Variants in NMNAT2 observed in about 807,000 individuals in gnomAD.
NMNAT2 encodes the protein nicotinamide nucleotide adenylyltransferase 2, also known as nicotinamide/nicotinic acid mononucleotide adenylyltransferase 2.
In NMNAT2, 11 loss-of-function variants were observed where a neutral mutation model predicts 41.6. The ratio of observed to expected loss-of-function variants is 0.26; its 90% CI spans 0.17 to 0.44. NMNAT2 has a LOEUF of 0.44. NMNAT2 is among the 20% of genes least tolerant of loss of function. The pLI, the probability that NMNAT2 is intolerant of heterozygous loss-of-function variation, is 1.00. For synonymous variants in NMNAT2, 148 were observed against 151.2 expected, an observed-to-expected ratio of 0.98 and a Z score of 0.16; for missense variants, 288 against 407.7, an observed-to-expected ratio of 0.71 and a Z score of 2.53.
At chr1:183,370,693 A>G (rs1663517643) in intron 1 of NMNAT2, among the ~76,000 whole-genome samples, 1 of 152,158 alleles carries the variant, frequency 6.6e-6, no homozygotes, top group Non-Finnish European at 1.5e-5. Context: ...ATTCTGGGGG[A>G]ATGAAATAAA....
intron 1 of NMNAT2, among the ~76,000 whole-genome samples, chr1:183,340,815 C>T (rs1662782290): frequency 6.6e-6 from 1 of 152,204 alleles, no homozygotes; most frequent in Non-Finnish European, 1.5e-5. Context: ...CCCAGGTGCC[C>T]TGATGGCAGG....
At chr1:183,330,919 A>G (rs1460119537) in intron 1 of NMNAT2, among the ~76,000 whole-genome samples, 4 of 151,960 alleles carry the variant, frequency 2.6e-5, no homozygotes, top group Admixed American at 2.6e-4. Flanking sequence ...AAATGATCCT[A>G]ATGTTTCCTT....
In NMNAT2 at chr1:183,326,182, C is replaced by G. The variant is rs930715335; in HGVS notation, c.86-32389G>C. ...CCTGAAGTCAGGAGTTCAAGACCAG[C>G]CTGGCCAACATGGAGAAACCCTGCC... On this transcript the variant is annotated intron_variant, in intron 1 of 10. Transcript: ENST00000287713. Among the ~76,000 whole-genome samples the G allele has an allele frequency of 3.3e-5, 5 of 151,964 alleles. No homozygotes were observed. The East Asian group carries it at 7.7e-4, about 23-fold the overall frequency.
chr1:183,418,280 TC>T lies in NMNAT2; in HGVS notation c.-14del, dbSNP rs780870796. The T allele has an allele frequency of 6.2e-7, 1 of 1,612,668 alleles. No individual in the cohort carries two copies. The highest frequency in any genetic ancestry group is 1.1e-5 in the South Asian group (1 of 91,020). ...TGGTCTCGGTCATGGTGCAGATGGGTCCTTCGCGGTGGTCTAGGGGTTGCCT... is the reference window on the plus strand; with the variant it reads ...TGGTCTCGGTCATGGTGCAGATGGGTCTTCGCGGTGGTCTAGGGGTTGCCT... On this transcript the variant is annotated 5_prime_UTR_variant, in exon 1 of 11. Coordinates refer to ENST00000287713, the MANE Select transcript of NMNAT2 (RefSeq NM_015039.4).
At chr1:183,322,218 G>A (rs1484663924) in intron 1 of NMNAT2, among the ~76,000 whole-genome samples, 2 of 152,146 alleles carry the variant, frequency 1.3e-5, no homozygotes, top group African/African-American at 2.4e-5. Context: ...TTTCCTGAAC[G>A]TGACACCCCT....
intron 1 of NMNAT2, among the ~76,000 whole-genome samples, chr1:183,303,770 T>C (rs569418855): frequency 6.6e-6 from 1 of 152,340 alleles, no homozygotes; most frequent in South Asian, 2.1e-4. Flanking sequence ...GAAAGCACAG[T>C]ACGGTCCATG....
chr1:183,336,850 T>C (rs374293441), intron 1 of NMNAT2, among the ~76,000 whole-genome samples: 2 of 152,322 alleles, frequency 1.3e-5, no homozygotes, highest in South Asian at 2.1e-4. Context: ...CTGTGGTAGA[T>C]TCAAACAATG....
chr1:183,289,379 C>A (rs1259203296), intron 4 of NMNAT2, among the ~76,000 whole-genome samples: 1 of 152,206 alleles, frequency 6.6e-6, no homozygotes, highest in African/African-American at 2.4e-5. Flanking sequence ...TTTCTGCACA[C>A]TCTGGCCAGT....
chr1:183,361,559 A>G (rs551143853), intron 1 of NMNAT2, among the ~76,000 whole-genome samples: 10 of 151,758 alleles, frequency 6.6e-5, no homozygotes, highest in African/African-American at 1.2e-4. Context: ...AAATATTTTT[A>G]AATAAATGAA....
In NMNAT2 at chr1:183,389,893, G is replaced by GGGAA. The variant is rs1295113894; in HGVS notation, c.85+28289_85+28290insTTCC. Among the ~76,000 whole-genome samples, 42 of 130,486 alleles carry GGGAA rather than the reference G, an allele frequency of 3.2e-4. 6 individuals are homozygous for GGGAA. The highest frequency in any genetic ancestry group is 2.8e-3 in the Admixed American group (36 of 13,018). The allele number at this position is 130,486 out of a possible 152,430, so 85.6% of individuals were successfully genotyped here. On this transcript the variant is annotated intron_variant, in intron 1 of 10. Transcript: ENST00000287713. ...AAGAAGGGAGGGAGGGAGGGAGGGA[G>GGGAA]GGAGGGAAGGAAGGAAGGAAGGAAA...
In NMNAT2 at chr1:183,388,562, C is replaced by T. The variant is rs369387939; in HGVS notation, c.85+29621G>A. ...ACAATATCTAGAATTCGATGTTGCA[C>T]CTTGTAATTAATCAATAAAAAACTG... On this transcript the variant is annotated intron_variant, in intron 1 of 10. Coordinates refer to ENST00000287713, the MANE Select transcript of NMNAT2 (RefSeq NM_015039.4). Among the ~76,000 whole-genome samples the T allele has an allele frequency of 7.9e-5, 12 of 152,290 alleles. No individual in the cohort carries two copies. The East Asian group carries it at 2.1e-3, about 27-fold the overall frequency.
chr1:183,316,036 CT>C (rs892086951), intron 1 of NMNAT2, among the ~76,000 whole-genome samples: 5 of 152,074 alleles, frequency 3.3e-5, no homozygotes, highest in Non-Finnish European at 7.4e-5. Flanking sequence ...AAACACCCAC[CT>C]TGGGAGAGGA....
At chr1:183,412,328 A>ATTCT (rs1649141043) in intron 1 of NMNAT2, among the ~76,000 whole-genome samples, 1 of 152,194 alleles carries the variant, frequency 6.6e-6, no homozygotes, top group South Asian at 2.1e-4. Context: ...GGTTCAAGTG[A>ATTCT]TTCTCCTGCC....
At chr1:183,272,875 G>A (rs1661021423) in intron 8 of NMNAT2, among the ~76,000 whole-genome samples, 1 of 152,188 alleles carries the variant, frequency 6.6e-6, no homozygotes, top group Non-Finnish European at 1.5e-5. Flanking sequence ...GGAGTGCGGG[G>A]CCGGGGCCTA....
intron 1 of NMNAT2, among the ~76,000 whole-genome samples, chr1:183,375,995 G>T (rs1333040211): frequency 1.0e-5 from 1 of 97,978 alleles, no homozygotes; most frequent in Non-Finnish European, 2.2e-5. Context: ...CTCACTCAAA[G>T]TGGTCACTCA....
intron 8 of NMNAT2, among the ~76,000 whole-genome samples, chr1:183,274,495 T>G (rs529767383): frequency 6.6e-6 from 1 of 151,808 alleles, no homozygotes; most frequent in East Asian, 2.0e-4. Flanking sequence ...GTATTTTTAG[T>G]AGAGATGGGG....
In NMNAT2 at chr1:183,383,308, C is replaced by T. The variant is rs76956738; in HGVS notation, c.85+34875G>A. 8.5e-4 allele frequency among the ~76,000 whole-genome samples: 129 copies of T among 152,314 alleles called. 1 individual carries two copies. In the East Asian group the frequency reaches 0.02, roughly 24 times the overall value. ...GAAACCATTCTTCCCTCCTAGGCCA[C>T]CAGGTTTGTAATGCGAGAGGCTTCC... On this transcript the variant is annotated intron_variant, in intron 1 of 10. Coordinates refer to ENST00000287713, the MANE Select transcript of NMNAT2 (RefSeq NM_015039.4).
At position 183,292,953 on chromosome 1, in the gene NMNAT2, C is replaced by T. The variant is rs911572843; in HGVS notation, c.175-96G>A. On this transcript the variant is annotated intron_variant, in intron 2 of 10. Transcript: ENST00000287713. ...AGCCCACCCATTGTTAAAGTGCAGC[C>T]ATTTTTCAGTGGTGAGAGGGAATGA... 5.3e-6 allele frequency: 6 copies of T among 1,127,948 alleles called. No homozygotes were observed. The Admixed American group carries it at 1.2e-4, about 22-fold the overall frequency. 69.9% of individuals were successfully genotyped at this position (1,127,948 alleles called of 1,614,324 possible). A position where few individuals can be genotyped will look rare whatever the true frequency, so the allele number is the denominator to read the frequency against.
chr1:183,305,716 C>CTTTTTTTT (rs5741563), intron 1 of NMNAT2, among the ~76,000 whole-genome samples: 1 of 123,168 alleles, frequency 8.1e-6, no homozygotes, highest in African/African-American at 3.0e-5. Flanking sequence ...CCTTTACAGC[C>CTTTTTTTT]TTTTTTTTTT....
Sources: gnomAD v4.1 joint callset for allele counts (sites outside exome capture counted in the v4.1 genomes callset) on GRCh38, gnomAD v4.1.1 for gene constraint, MANE v1.5 for transcripts, NCBI Gene and HGNC (gene_info 2026-07-23, HGNC 2026-07-21) for gene names.